Variants in NRCAM observed in about 807,000 individuals in gnomAD.
NRCAM encodes NgCAM-related cell adhesion molecule.
NRCAM carries 83 observed loss-of-function variants against 156.5 expected under a neutral mutation model. That is an observed-to-expected ratio of 0.53 (90% CI 0.44 to 0.64). The LOEUF (loss-of-function observed/expected upper bound fraction) is 0.64, where lower values mean the gene tolerates loss of function less well. Among genes scored for constraint, NRCAM ranks in the 30% least tolerant of loss-of-function variants. The pLI is 0.00. For synonymous variants in NRCAM, 538 were observed against 563.9 expected, an observed-to-expected ratio of 0.95 and a Z score of 0.65; for missense variants, 1,417 against 1,597.3, an observed-to-expected ratio of 0.89 and a Z score of 1.92.
At chr7:108,250,343 T>C (rs1324408062) in intron 3 of NRCAM, among the ~76,000 whole-genome samples, 1 of 149,612 alleles carries the variant, frequency 6.7e-6, no homozygotes, top group East Asian at 2.0e-4. Flanking sequence ...GGAAGATGGC[T>C]TGAGCCTGGG....
intron 2 of NRCAM, among the ~76,000 whole-genome samples, chr7:108,338,551 TGAGA>T (rs111958591): frequency 0.26 from 37,571 of 146,478 alleles, 5,134 homozygotes; most frequent in Non-Finnish European, 0.31. Flanking sequence ...GAGAGGAAAG[TGAGA>T]GAGAGAGAGA....
chr7:108,186,014 G>C lies in NRCAM; in HGVS notation c.2036-1400C>G, dbSNP rs113026309. ...GCGGGAGGAAGACATATTTTTCAGT[G>C]CATACCCTCTGCGTCCACTAAAATT... On this transcript the variant is annotated intron_variant, in intron 20 of 32. Transcript: ENST00000379028. 7.3e-3 allele frequency among the ~76,000 whole-genome samples: 1,116 copies of C among 152,288 alleles called. 24 individuals are homozygous for C. Among genetic ancestry groups the C allele is most frequent in the African/African-American group, 0.025 (1,056 of 41,548 alleles).
At chr7:108,424,299 A>G (rs1020393842) in intron 1 of NRCAM, among the ~76,000 whole-genome samples, 4 of 152,184 alleles carry the variant, frequency 2.6e-5, no homozygotes, top group African/African-American at 9.7e-5. Context: ...CTGGTGAAAT[A>G]ACTGAGAAGG....
At chr7:108,442,013 TTTA>T (rs772805464) in intron 1 of NRCAM, among the ~76,000 whole-genome samples, 59 of 152,244 alleles carry the variant, frequency 3.9e-4, no homozygotes, top group Non-Finnish European at 6.3e-4. Context: ...ATTATTGTTA[TTTA>T]TTAATAGTAA....
intron 2 of NRCAM, among the ~76,000 whole-genome samples, chr7:108,320,502 C>T (rs1273940799): frequency 6.6e-6 from 1 of 151,244 alleles, no homozygotes; most frequent in Non-Finnish European, 1.5e-5. Flanking sequence ...ACTAATGAAG[C>T]CGAGATCACA....
Position 108,407,383 on chromosome 7 carries a change from T to A in NRCAM, c.-331-7790A>T, listed in dbSNP as rs565180594. On this transcript the variant is annotated intron_variant, in intron 1 of 32. Transcript: ENST00000379028. The stretch of plus-strand genomic sequence containing the variant: ...ATATGATTTTTTTAAAGGTGCGCTA[T>A]TTTACTAGCACTGGCTGAAAAACCA... 3.0e-4 allele frequency among the ~76,000 whole-genome samples: 46 copies of A among 152,356 alleles called. 1 individual carries two copies. Among genetic ancestry groups the A allele is most frequent in the African/African-American group, 1.1e-3 (45 of 41,588 alleles).
At chr7:108,288,982 A>T (rs2098197667) in intron 3 of NRCAM, among the ~76,000 whole-genome samples, 1 of 152,082 alleles carries the variant, frequency 6.6e-6, no homozygotes, top group Non-Finnish European at 1.5e-5. Context: ...AGGGGGTTGA[A>T]GATCAGCCTG....
At chr7:108,385,993 GGT>G (rs899573337) in intron 2 of NRCAM, among the ~76,000 whole-genome samples, 3 of 152,072 alleles carry the variant, frequency 2.0e-5, no homozygotes, top group African/African-American at 7.2e-5. Flanking sequence ...TTTAGGTCAG[GGT>G]GTGATGGGGC....
intron 3 of NRCAM, among the ~76,000 whole-genome samples, chr7:108,290,768 G>A (rs2098264121): frequency 6.6e-6 from 1 of 152,110 alleles, no homozygotes; most frequent in Non-Finnish European, 1.5e-5. Context: ...TATGTCTTTT[G>A]TCATTTCAGC....
intron 2 of NRCAM, among the ~76,000 whole-genome samples, chr7:108,317,421 T>A (rs2098940920): frequency 6.6e-6 from 1 of 152,188 alleles, no homozygotes; most frequent in African/African-American, 2.4e-5. Context: ...TAGAAACAGC[T>A]AAAGTAATAG....
At chr7:108,176,142 AAAC>A (rs1382353898) in intron 27 of NRCAM, among the ~76,000 whole-genome samples, 2 of 152,132 alleles carry the variant, frequency 1.3e-5, no homozygotes, top group African/African-American at 4.8e-5. Context: ...TGTAAACAGG[AAAC>A]AACATTCCCC....
At chr7:108,193,092 G>A (rs188694039) in intron 17 of NRCAM, among the ~76,000 whole-genome samples, 113 of 152,246 alleles carry the variant, frequency 7.4e-4, no homozygotes, top group Non-Finnish European at 4.9e-4. Context: ...GTACAGTCAT[G>A]GCTCACTGGA....
intron 3 of NRCAM, among the ~76,000 whole-genome samples, chr7:108,244,959 C>T (rs984596348): frequency 4.6e-5 from 7 of 152,172 alleles, no homozygotes; most frequent in African/African-American, 1.7e-4. Context: ...TATTTCTACC[C>T]ATTTAACAGA....
chr7:108,381,193 A>G (rs964784267), intron 2 of NRCAM, among the ~76,000 whole-genome samples: 1 of 152,212 alleles, frequency 6.6e-6, no homozygotes, highest in Non-Finnish European at 1.5e-5. Context: ...AATAACATCA[A>G]AAAGTTAATA....
chr7:108,294,791 G>A (rs528274928), intron 3 of NRCAM, among the ~76,000 whole-genome samples: 6 of 151,990 alleles, frequency 3.9e-5, no homozygotes, highest in African/African-American at 7.3e-5. Context: ...TCACCCTTAC[G>A]GTCTTCCGAA....
intron 2 of NRCAM, among the ~76,000 whole-genome samples, chr7:108,359,708 TA>T (rs918322499): frequency 4.0e-5 from 6 of 151,854 alleles, no homozygotes; most frequent in Non-Finnish European, 7.4e-5. Flanking sequence ...ATTTTCGACC[TA>T]AAAAAAATGG....
At chr7:108,302,684 C>T (rs974175016) in intron 3 of NRCAM, among the ~76,000 whole-genome samples, 1 of 152,172 alleles carries the variant, frequency 6.6e-6, no homozygotes, top group Admixed American at 6.5e-5. Flanking sequence ...GTTTTGGGAT[C>T]TCAGTACAAA....
At chr7:108,236,158 T>C (rs368791139) in intron 5 of NRCAM, among the ~76,000 whole-genome samples, 3 of 152,204 alleles carry the variant, frequency 2.0e-5, no homozygotes, top group African/African-American at 7.2e-5. Flanking sequence ...GGTTAATTGT[T>C]GCTAGAGCTA....
intron 1 of NRCAM, among the ~76,000 whole-genome samples, chr7:108,431,054 C>G (rs1824434722): frequency 6.6e-6 from 1 of 152,160 alleles, no homozygotes; most frequent in Admixed American, 6.5e-5. Flanking sequence ...AATAAATAAA[C>G]AATACTAATA....
Sources: allele counts gnomAD v4.1 joint callset (sites outside exome capture counted in the v4.1 genomes callset), GRCh38; gene constraint gnomAD v4.1.1; transcripts MANE v1.5; gene names NCBI Gene and HGNC (gene_info 2026-07-23, HGNC 2026-07-21).